Variants in THUMPD3 observed in about 807,000 individuals in gnomAD.
THUMPD3 encodes tRNA (guanine(6)-N(2))-methyltransferase THUMP3.
THUMPD3 carries 44 observed loss-of-function variants against 54.5 expected under a neutral mutation model. That is an observed-to-expected ratio of 0.81 (90% CI 0.63 to 1.04). The LOEUF is 1.04. Among genes scored for constraint, THUMPD3 ranks in the 50% least tolerant of loss-of-function variants. The pLI, the probability that THUMPD3 is intolerant of heterozygous loss-of-function variation, is 0.00. For synonymous variants in THUMPD3, 196 were observed against 201.4 expected (o/e 0.97, Z 0.23); for missense variants, 604 against 601.3 (o/e 1.00, Z -0.05).
chr3:9,380,834 ATT>A (rs2032829999), intron 7 of THUMPD3: 1 of 379,392 alleles, frequency 2.6e-6, no homozygotes, highest in Non-Finnish European at 4.7e-6. Context: ...GCAATTTTTC[ATT>A]TGTCTTATTC....
chr3:9,365,960 G>A lies in THUMPD3; in HGVS notation c.252+640G>A, dbSNP rs545198651. On this transcript the variant is annotated intron_variant, in intron 2 of 9. Coordinates refer to ENST00000452837, the MANE Select transcript of THUMPD3 (RefSeq NM_001114092.2). ...AGCATTTCCTTTCAGCATTGTGTTG[G>A]GGCTCAAAAAGTTTCAGATTTTTAG... Among the ~76,000 whole-genome samples, 229 of 152,026 alleles carry A rather than the reference G, an allele frequency of 1.5e-3. 7 individuals carry two copies. In the South Asian group the frequency reaches 0.046, roughly 30 times the overall value.
chr3:9,376,632 C>T (rs1307877265), intron 5 of THUMPD3, among the ~76,000 whole-genome samples: 1 of 152,124 alleles, frequency 6.6e-6, no homozygotes. Flanking sequence ...CTATTAACCC[C>T]CAAGAATCTG....
Position 9,384,197 on chromosome 3 carries a change from G to T in THUMPD3, c.1236-15G>T. ...TCTTTTGCAAGTGTTTGACTCATGA[G>T]ACCTTCTATTATAGGATGGGATCCA... On this transcript the variant is annotated splice_polypyrimidine_tract_variant and intron_variant, in intron 8 of 9. Transcript: ENST00000452837. The T allele has an allele frequency of 6.2e-7, 1 of 1,612,082 alleles. No homozygotes were observed. Among genetic ancestry groups the T allele is most frequent in the South Asian group, 1.1e-5 (1 of 90,710 alleles).
At chr3:9,379,913 C>T (rs1001876070) in intron 6 of THUMPD3, among the ~76,000 whole-genome samples, 2 of 152,162 alleles carry the variant, frequency 1.3e-5, no homozygotes, top group African/African-American at 4.8e-5. Flanking sequence ...TGGTCTCAAA[C>T]TCCTGGGCTC....
chr3:9,377,753 G>A (rs1231545881), intron 5 of THUMPD3, 66 bp from the exon 6 acceptor site: 1 of 1,248,408 alleles, frequency 8.0e-7, no homozygotes, highest in East Asian at 2.3e-5. Flanking sequence ...AAAGCTTCAG[G>A]AATCATCAGT....
At position 9,386,423 on chromosome 3, in the gene THUMPD3, C is replaced by CTGCCAGACTGGGTA. The variant is rs2033340805; in HGVS notation, c.*1737_*1750dup. The CTGCCAGACTGGGTA allele has an allele frequency of 7.8e-6, 1 of 128,642 alleles. No homozygotes were observed. The highest frequency in any genetic ancestry group is 2.7e-4 in the South Asian group (1 of 3,646). 8.0% of individuals were successfully genotyped at this position (128,642 alleles called of 1,614,324 possible). On this transcript the variant is annotated 3_prime_UTR_variant, in exon 10 of 10. Coordinates refer to ENST00000452837, the MANE Select transcript of THUMPD3 (RefSeq NM_001114092.2). The stretch of plus-strand genomic sequence containing the variant: ...CCCCACTAAGGGCAGGGTATTGTAT[C>CTGCCAGACTGGGTA]TGCCAGACTGGGTATTTGTTGAACA...
chr3:9,377,097 A>C (rs1050729839), intron 5 of THUMPD3, among the ~76,000 whole-genome samples: 2 of 152,196 alleles, frequency 1.3e-5, no homozygotes, highest in Non-Finnish European at 2.9e-5. Flanking sequence ...TCTCATTGCC[A>C]GTAACCTTAT....
intron 5 of THUMPD3, among the ~76,000 whole-genome samples, chr3:9,376,725 GA>G (rs1196515244): frequency 6.6e-6 from 1 of 152,160 alleles, no homozygotes; most frequent in African/African-American, 2.4e-5. Context: ...CAAGAGAAGG[GA>G]AGAAACCTAC....
intron 3 of THUMPD3, among the ~76,000 whole-genome samples, chr3:9,367,590 C>T (rs2031663192): frequency 6.6e-6 from 1 of 152,180 alleles, no homozygotes. Flanking sequence ...CGCTTAAAAA[C>T]ATTTTTCTAT....
At chr3:9,376,130 G>A (rs1014079064) in intron 5 of THUMPD3, among the ~76,000 whole-genome samples, 4 of 152,136 alleles carry the variant, frequency 2.6e-5, no homozygotes, top group Non-Finnish European at 5.9e-5. Context: ...GTGTTATTTT[G>A]GGTGCAAATA....
chr3:9,374,046 G>A (rs1476722230), intron 4 of THUMPD3, among the ~76,000 whole-genome samples: 1 of 152,106 alleles, frequency 6.6e-6, no homozygotes, highest in Non-Finnish European at 1.5e-5. Context: ...CAGTACCTCG[G>A]GCTCCCCTTG....
chr3:9,369,479 A>G (rs2031857715), intron 3 of THUMPD3, among the ~76,000 whole-genome samples: 1 of 152,140 alleles, frequency 6.6e-6, no homozygotes, highest in African/African-American at 2.4e-5. Context: ...TGTACACTGA[A>G]CCATCAGAAA....
rs2033193819 is a variant in THUMPD3 at position 9,384,550 on chromosome 3, G to A, written c.1386G>A (p.Trp462Ter). 4 of 1,614,148 alleles carry A rather than the reference G, an allele frequency of 2.5e-6. No individual in the cohort carries two copies. The highest frequency in any genetic ancestry group is 1.3e-5 in the African/African-American group (1 of 75,020). Residue 462 changes from tryptophan (W) to a stop codon, truncating the protein, a stop_gained, in exon 10 of 10, where the codon TGG becomes TGA. Coordinates refer to ENST00000452837, the MANE Select transcript of THUMPD3 (RefSeq NM_001114092.2). LOFTEE classifies it high-confidence loss of function. Reference protein sequence around the residue: ...TKALSGMRHVWRKVDTVWVNV... With the variant: ...TKALSGMRHV ...CGTTATCTGGAATGCGACACGTATG[G>A]CGAAAGGTGGATACAGTCTGGGTGA...
chr3:9,376,354 T>C (rs1406141270), intron 5 of THUMPD3, among the ~76,000 whole-genome samples: 48 of 152,216 alleles, frequency 3.2e-4, no homozygotes, highest in Non-Finnish European at 2.4e-4. Flanking sequence ...TCTCTTCTCA[T>C]CTACATGCTT....
At chr3:9,377,533 C>G (rs1220346841) in intron 5 of THUMPD3, among the ~76,000 whole-genome samples, 1 of 152,058 alleles carries the variant, frequency 6.6e-6, no homozygotes, top group Non-Finnish European at 1.5e-5. Context: ...ACCACCACGC[C>G]CAGCTAATTT....
rs960427853 is a variant in THUMPD3 at position 9,385,838 on chromosome 3, C to T, written c.*1150C>T. On this transcript the variant is annotated 3_prime_UTR_variant, in exon 10 of 10. Coordinates refer to ENST00000452837, the MANE Select transcript of THUMPD3 (RefSeq NM_001114092.2). ...AATTTGGGAGTTATGTGAGTTGTTACTTTCTCCTGGATCACGATTCACATT... is the reference window on the plus strand; with the variant it reads ...AATTTGGGAGTTATGTGAGTTGTTATTTTCTCCTGGATCACGATTCACATT... 6.6e-6 allele frequency: 1 copy of T among 152,148 alleles called. No individual in the cohort carries two copies. Among genetic ancestry groups the T allele is most frequent in the Non-Finnish European group, 1.5e-5 (1 of 68,014 alleles). 9.4% of individuals were successfully genotyped at this position (152,148 alleles called of 1,614,324 possible). A position where few individuals can be genotyped will look rare whatever the true frequency, so the allele number is the denominator to read the frequency against.
chr3:9,366,424 A>G (rs557264504), intron 2 of THUMPD3, among the ~76,000 whole-genome samples: 15 of 152,304 alleles, frequency 9.8e-5, no homozygotes, highest in South Asian at 2.1e-4. Flanking sequence ...TTTCCATCCA[A>G]TATTTTAGCC....
At chr3:9,369,010 T>G (rs1397334198) in intron 3 of THUMPD3, among the ~76,000 whole-genome samples, 1 of 152,102 alleles carries the variant, frequency 6.6e-6, no homozygotes, top group Non-Finnish European at 1.5e-5. Context: ...TTTTGTTTGT[T>G]TGTTTTTTGA....
intron 7 of THUMPD3, among the ~76,000 whole-genome samples, chr3:9,381,380 A>T (rs149165921): frequency 2.4e-4 from 37 of 152,314 alleles, no homozygotes; most frequent in African/African-American, 8.7e-4. Context: ...TCAAACATTA[A>T]TGTACATGTG....
Sources: allele counts gnomAD v4.1 joint callset (sites outside exome capture counted in the v4.1 genomes callset), GRCh38; gene constraint gnomAD v4.1.1; transcripts MANE v1.5; gene names NCBI Gene and HGNC (gene_info 2026-07-23, HGNC 2026-07-21).